TNRC6C: variants seen among roughly 807,000 people sequenced by gnomAD.
TNRC6C encodes trinucleotide repeat-containing gene 6C protein.
In TNRC6C, 20 loss-of-function variants were observed where a neutral mutation model predicts 153.7. The observed-to-expected ratio is 0.13, with a 90% confidence interval of 0.09 to 0.19. The LOEUF (loss-of-function observed/expected upper bound fraction) is 0.19. Ranked by LOEUF, TNRC6C falls within the 10% of genes least tolerant of loss-of-function variation. The pLI, the probability that TNRC6C is intolerant of heterozygous loss-of-function variation, is 1.00. For synonymous variants in TNRC6C, 811 were observed against 841.4 expected (o/e 0.96, Z 0.63); for missense variants, 1,987 against 2,172.0 (o/e 0.91, Z 1.69).
chr17:78,040,335 AAAT>A (rs981949245), intron 2 of TNRC6C, among the ~76,000 whole-genome samples: 7 of 152,186 alleles, frequency 4.6e-5, no homozygotes, highest in African/African-American at 7.2e-5. Context: ...TATCTTTAAA[AAAT>A]AATAATAATA....
intron 2 of TNRC6C, among the ~76,000 whole-genome samples, chr17:78,040,800 A>C (rs987687141): frequency 6.6e-6 from 1 of 152,238 alleles, no homozygotes; most frequent in Admixed American, 6.5e-5. Context: ...AGCTGCAATT[A>C]GATAATCAAA....
Position 78,049,811 on chromosome 17 carries a change from G to T in TNRC6C, c.749G>T (p.Gly250Val), listed in dbSNP as rs779422604. 14 of 1,609,302 alleles carry T rather than the reference G, an allele frequency of 8.7e-6. No homozygotes were observed. The highest frequency in any genetic ancestry group is 1.2e-5 in the Non-Finnish European group (14 of 1,176,980). The change falls in exon 3 of 20, where the codon GGA becomes GTA. Residue 250 changes from glycine to valine, a missense_variant. Transcript: ENST00000301624. The surrounding 1 kb of genome is among the most constrained non-coding windows in gnomAD (Gnocchi z 4.1). The stretch of plus-strand genomic sequence containing the variant: ...GAAGGAATAAGCAATTCTGTGTGGG[G>T]ACTGTCCCCAGGTAACCCTGCCACA...
chr17:78,038,499 C>G (rs543476792), intron 2 of TNRC6C, among the ~76,000 whole-genome samples: 2 of 151,740 alleles, frequency 1.3e-5, no homozygotes, highest in East Asian at 3.9e-4. Context: ...CGGTGAAACC[C>G]CATCTCTACT....
chr17:78,032,096 G>A (rs950190119), intron 2 of TNRC6C, among the ~76,000 whole-genome samples: 1 of 152,118 alleles, frequency 6.6e-6, no homozygotes, highest in Non-Finnish European at 1.5e-5. Context: ...GAAACTAAAG[G>A]TCTGTACATT....
chr17:78,060,938 C>T (rs1410571986), intron 3 of TNRC6C, among the ~76,000 whole-genome samples: 2 of 152,212 alleles, frequency 1.3e-5, no homozygotes, highest in African/African-American at 4.8e-5. Context: ...TTCTCTGTTT[C>T]TTGGTCCTAT....
chr17:78,096,798 T>C (rs1325143021), intron 16 of TNRC6C, among the ~76,000 whole-genome samples: 1 of 152,210 alleles, frequency 6.6e-6, no homozygotes, highest in Non-Finnish European at 1.5e-5. Flanking sequence ...CTCGCTCTTC[T>C]TCTCCAGCTT....
chr17:78,082,167 G>A (rs1008990987), intron 10 of TNRC6C, among the ~76,000 whole-genome samples: 1 of 149,858 alleles, frequency 6.7e-6, no homozygotes, highest in Admixed American at 6.7e-5. Flanking sequence ...AGACACACAC[G>A]AGATAGTGAA....
At chr17:78,020,120 T>C (rs1335257138) in intron 1 of TNRC6C, among the ~76,000 whole-genome samples, 1 of 152,238 alleles carries the variant, frequency 6.6e-6, no homozygotes. Context: ...CCCAGAGGTG[T>C]ACAGCTCAAC....
In TNRC6C at chr17:78,049,684, T is replaced by C; in HGVS notation, c.622T>C (p.Trp208Arg). The stretch of plus-strand genomic sequence containing the variant: ...AATGCAGACAAATGGACTGCCAAAC[T>C]GGGGCATGGCTGTTGGTATGGGGGC... Residue 208 changes from tryptophan to arginine, a missense_variant, in exon 3 of 20, where the codon TGG (tryptophan) becomes CGG (arginine). Trp to Arg is a moderately radical substitution (Grantham distance 101). This residue lies in a region of TNRC6C where 1,052 missense variants were observed against 1,017.0 expected (regional missense o/e 1.03). Transcript: ENST00000301624. The surrounding 1 kb of genome is among the most constrained non-coding windows in gnomAD (Gnocchi z 4.1). The C allele has an allele frequency of 1.9e-6, 3 of 1,610,154 alleles. No homozygotes were observed. Among genetic ancestry groups the C allele is most frequent in the Non-Finnish European group, 2.5e-6 (3 of 1,176,944 alleles).
rs772705259 is a variant in TNRC6C at position 78,086,945 on chromosome 17, A to ACCGCCC, written c.3660_3665dup (p.Pro1221_Pro1222dup). On this transcript the variant is annotated inframe_insertion, in exon 13 of 20. Transcript: ENST00000301624. ...TGCTCGTGAAGCAGCCACCACCGCCACCGCCCCCGCCGCACCTGTCTCTGC... is the reference window on the plus strand; with the variant it reads ...TGCTCGTGAAGCAGCCACCACCGCCACCGCCCCCGCCCCCGCCGCACCTGTCTCTGC... The ACCGCCC allele has an allele frequency of 3.1e-6, 5 of 1,609,696 alleles. No homozygotes were observed. In the East Asian group the frequency reaches 1.1e-4, roughly 36 times the overall value.
At chr17:78,085,532 G>GA (rs1307684664) in intron 11 of TNRC6C, among the ~76,000 whole-genome samples, 1 of 151,656 alleles carries the variant, frequency 6.6e-6, no homozygotes, top group Non-Finnish European at 1.5e-5. Context: ...CATGTTGTAA[G>GA]AAAAAAAATC....
chr17:78,034,609 C>A (rs1363817694), intron 2 of TNRC6C, among the ~76,000 whole-genome samples: 2 of 152,108 alleles, frequency 1.3e-5, no homozygotes, highest in Non-Finnish European at 2.9e-5. Flanking sequence ...TACTGTATAT[C>A]CTATATTTTT....
chr17:78,017,219 T>C (rs1201712503), intron 1 of TNRC6C, among the ~76,000 whole-genome samples: 1 of 152,214 alleles, frequency 6.6e-6, no homozygotes, highest in African/African-American at 2.4e-5. Context: ...TTTAAAAATG[T>C]CTTAAATATT....
At chr17:78,026,390 T>TA (rs2071942009) in intron 1 of TNRC6C, among the ~76,000 whole-genome samples, 1 of 152,362 alleles carries the variant, frequency 6.6e-6, no homozygotes, top group African/African-American at 2.4e-5. Flanking sequence ...AGCTGGGAAT[T>TA]ACCATGTTTT....
chr17:78,043,161 T>C (rs2072334508), intron 2 of TNRC6C, among the ~76,000 whole-genome samples: 1 of 152,134 alleles, frequency 6.6e-6, no homozygotes, highest in African/African-American at 2.4e-5. Flanking sequence ...TAGCAGTATG[T>C]CTCATAATGG....
chr17:78,073,867 A>G (rs147298881), intron 7 of TNRC6C, among the ~76,000 whole-genome samples: 100 of 152,330 alleles, frequency 6.6e-4, no homozygotes, highest in Non-Finnish European at 1.2e-3. Flanking sequence ...ACTCAAAACA[A>G]TGCCGTCCAC....
intron 17 of TNRC6C, among the ~76,000 whole-genome samples, chr17:78,101,775 G>GT (rs1222483073): frequency 6.6e-6 from 1 of 152,224 alleles, no homozygotes; most frequent in Admixed American, 6.5e-5. Flanking sequence ...TCGTGCTACT[G>GT]TTTGTGGTTT....
At chr17:78,020,170 G>A (rs891863168) in intron 1 of TNRC6C, among the ~76,000 whole-genome samples, 3 of 152,176 alleles carry the variant, frequency 2.0e-5, no homozygotes, top group Admixed American at 6.5e-5. Flanking sequence ...TTGCTTTGCT[G>A]AGTGAGGCTT....
At chr17:78,018,600 T>C (rs560537143) in intron 1 of TNRC6C, among the ~76,000 whole-genome samples, 3 of 152,142 alleles carry the variant, frequency 2.0e-5, no homozygotes, top group Non-Finnish European at 4.4e-5. Context: ...TGAGCCCTTA[T>C]TTACCGTGCT....
Sources: gnomAD v4.1 joint callset for allele counts (sites outside exome capture counted in the v4.1 genomes callset) on GRCh38, gnomAD v4.1.1 for gene constraint, gnomAD v4.1.1 regional missense constraint, Gnocchi (gnomAD v3.1) non-coding constraint, MANE v1.5 for transcripts, NCBI Gene and HGNC (gene_info 2026-07-23, HGNC 2026-07-21) for gene names.